Variants in ADRA1A observed in about 807,000 individuals in gnomAD.
ADRA1A encodes adrenoceptor alpha 1A, also known as alpha-1A adrenergic receptor.
A neutral mutation model predicts 29.6 loss-of-function variants in ADRA1A; 31 were observed. That is an observed-to-expected ratio of 1.05 (90% confidence interval 0.79 to 1.41). The LOEUF is 1.41. ADRA1A is among the 40% of genes most tolerant of loss of function. The pLI is 0.00. For synonymous variants in ADRA1A, 311 were observed against 254.3 expected (o/e 1.22, Z -2.12); for missense variants, 619 against 601.1 (o/e 1.03, Z -0.31).
intron 2 of ADRA1A, among the ~76,000 whole-genome samples, chr8:26,818,441 A>C (rs994866040): frequency 3.3e-5 from 5 of 152,216 alleles, no homozygotes; most frequent in Admixed American, 3.3e-4. Flanking sequence ...ATTTTTAAAA[A>C]ACTGCACTTG....
At chr8:26,779,893 G>A (rs1388611971) in intron 2 of ADRA1A, among the ~76,000 whole-genome samples, 1 of 152,152 alleles carries the variant, frequency 6.6e-6, no homozygotes, top group Non-Finnish European at 1.5e-5. Context: ...AGGCCTGGGA[G>A]GCTAAGGCTG....
chr8:26,794,784 C>G (rs1414320443), intron 2 of ADRA1A, among the ~76,000 whole-genome samples: 1 of 151,886 alleles, frequency 6.6e-6, no homozygotes, highest in African/African-American at 2.4e-5. Context: ...GAATTAAGAA[C>G]AAAAGTGTTT....
intron 2 of ADRA1A, among the ~76,000 whole-genome samples, chr8:26,824,413 C>T (rs867730307): frequency 3.9e-5 from 6 of 152,196 alleles, no homozygotes; most frequent in Middle Eastern, 3.4e-3. Context: ...CTTCAAACTT[C>T]GTTTTTTGCA....
intron 2 of ADRA1A, among the ~76,000 whole-genome samples, chr8:26,834,261 G>T (rs547778406): frequency 1.3e-5 from 2 of 152,112 alleles, no homozygotes; most frequent in Admixed American, 1.3e-4. Context: ...TTCTGGGATC[G>T]AAGTCTTTAG....
intron 2 of ADRA1A, among the ~76,000 whole-genome samples, chr8:26,794,833 A>G (rs4732883): frequency 0.24 from 37,115 of 151,834 alleles, 4,960 homozygotes; most frequent in East Asian, 0.51. Flanking sequence ...ATTATGAACA[A>G]GAAAGAGATG....
At chr8:26,817,714 G>C (rs1227525138) in intron 2 of ADRA1A, among the ~76,000 whole-genome samples, 2 of 152,190 alleles carry the variant, frequency 1.3e-5, no homozygotes, top group East Asian at 1.9e-4. Context: ...GGAGGTTGAG[G>C]CTGCAGTGAG....
Position 26,815,284 on chromosome 8 carries a change from C to A in ADRA1A, c.884-44618G>T, listed in dbSNP as rs145272217. Among the ~76,000 whole-genome samples the A allele has an allele frequency of 6.6e-6, 1 of 152,192 alleles. No individual in the cohort carries two copies. Among genetic ancestry groups the A allele is most frequent in the East Asian group, 1.9e-4 (1 of 5,178 alleles). On this transcript the variant is annotated intron_variant, in intron 2 of 2. Coordinates refer to ENST00000380573, the MANE Select transcript of ADRA1A (RefSeq NM_000680.4). The surrounding 1 kb of genome is among the most constrained non-coding windows in gnomAD (Gnocchi z 4.2). ...TCTAGAATACTGAAAACTATTTTGCCAGAGAACACCTAGACAGAGTGGAAA... is the reference window on the plus strand; with the variant it reads ...TCTAGAATACTGAAAACTATTTTGCAAGAGAACACCTAGACAGAGTGGAAA...
downstream of ADRA1A, among the ~76,000 whole-genome samples, chr8:26,753,977 G>A (rs1805036991): frequency 6.6e-6 from 1 of 152,138 alleles, no homozygotes; most frequent in African/African-American, 2.4e-5. Context: ...TTATCAGTGG[G>A]CATGATCCAT....
intron 2 of ADRA1A, among the ~76,000 whole-genome samples, chr8:26,817,419 A>G (rs11779546): frequency 0.14 from 22,035 of 152,262 alleles, 2,014 homozygotes; most frequent in South Asian, 0.26. Context: ...GATTGTTCAT[A>G]TATTGCTTAA....
intron 2 of ADRA1A, among the ~76,000 whole-genome samples, chr8:26,842,968 TCTATTGGCTTTTCAAATCCG>T (rs1400533625): frequency 1.3e-5 from 2 of 151,960 alleles, no homozygotes; most frequent in Non-Finnish European, 2.9e-5. Flanking sequence ...TCTTGGAGCT[TCTATTGGCTTTTCAAATCCG>T]CTATTGGCTT....
Position 26,860,683 on chromosome 8 carries a change from T to C in ADRA1A, c.883+3404A>G, listed in dbSNP as rs1345699749. Among the ~76,000 whole-genome samples, 1 of 152,132 alleles carries C rather than the reference T, an allele frequency of 6.6e-6. No homozygotes were observed. The highest frequency in any genetic ancestry group is 6.5e-5 in the Admixed American group (1 of 15,274). On this transcript the variant is annotated intron_variant, in intron 2 of 2. Coordinates refer to ENST00000380573, the MANE Select transcript of ADRA1A (RefSeq NM_000680.4). The surrounding 1 kb of genome is among the most constrained non-coding windows in gnomAD (Gnocchi z 4.7). ...ATATTTCACTGAGGACATAAACATA[T>C]CCTAAAGAGATCACTATCTCTCTCC...
chr8:26,833,818 C>G (rs13254589), intron 2 of ADRA1A, among the ~76,000 whole-genome samples: 2 of 152,126 alleles, frequency 1.3e-5, no homozygotes, highest in East Asian at 3.9e-4. Context: ...TTCAAAATAA[C>G]TTATTTCTGT....
In ADRA1A at chr8:26,864,892, G is replaced by A; in HGVS notation, c.78C>T (p.Ala26=). 1 of 1,614,030 alleles carries A rather than the reference G, an allele frequency of 6.2e-7. No homozygotes were observed. The highest frequency in any genetic ancestry group is 8.5e-7 in the Non-Finnish European group (1 of 1,180,020). The change falls in exon 2 of 3, where the codon GCC becomes GCT. Residue 26 remains alanine (A), a synonymous_variant. Transcript: ENST00000380573. The surrounding 1 kb of genome is among the most constrained non-coding windows in gnomAD (Gnocchi z 8.1). ...CCCCCAAGATCACCCCGAGCAGAAT[G>A]GCCTTGGAAATGTTCACCGGTGCCG... ...QPPAPVNISK[A]ILLGVILGGL...
At position 26,825,156 on chromosome 8, in the gene ADRA1A, A is replaced by C. The variant is rs111887841; in HGVS notation, c.883+38931T>G. Among the ~76,000 whole-genome samples the C allele has an allele frequency of 0.012, 1,894 of 152,084 alleles. 36 individuals carry two copies. The highest frequency in any genetic ancestry group is 0.044 in the African/African-American group (1,822 of 41,476). ...GAGACCCCCAGCCCCCACATGTCCC[A>C]CCCTGAGCTTGCTAGGCCTTCCAGG... On this transcript the variant is annotated intron_variant, in intron 2 of 2. Transcript: ENST00000380573. The surrounding 1 kb of genome is among the most constrained non-coding windows in gnomAD (Gnocchi z 5.7).
chr8:26,833,806 G>T (rs1234382463), intron 2 of ADRA1A, among the ~76,000 whole-genome samples: 3 of 152,190 alleles, frequency 2.0e-5, no homozygotes, highest in Non-Finnish European at 4.4e-5. Flanking sequence ...CTGGCATATG[G>T]CTTCAAAATA....
rs1054545186 is a variant in ADRA1A at position 26,845,409 on chromosome 8, G to T, written c.883+18678C>A. 3.3e-5 allele frequency among the ~76,000 whole-genome samples: 5 copies of T among 152,196 alleles called. No individual in the cohort carries two copies. The South Asian group carries it at 1.0e-3, about 31-fold the overall frequency. On this transcript the variant is annotated intron_variant, in intron 2 of 2. Coordinates refer to ENST00000380573, the MANE Select transcript of ADRA1A (RefSeq NM_000680.4). ...AGAGATACTATTTCACACCCACTAG[G>T]ATGGACATCATTTTAAAAAATGACA...
chr8:26,774,124 G>T (rs1224020089), intron 2 of ADRA1A, among the ~76,000 whole-genome samples: 2 of 152,188 alleles, frequency 1.3e-5, no homozygotes, highest in East Asian at 1.9e-4. Flanking sequence ...ACAATGTTTG[G>T]TTTATCCTAT....
At chr8:26,767,084 C>T (rs1396264223), downstream of ADRA1A, among the ~76,000 whole-genome samples, 1 of 152,074 alleles carries the variant, frequency 6.6e-6, no homozygotes, top group African/African-American at 2.4e-5. Context: ...GATTCAGGGT[C>T]TCTCATAATG....
At chr8:26,802,713 T>A (rs146518877) in intron 2 of ADRA1A, among the ~76,000 whole-genome samples, 101 of 152,266 alleles carry the variant, frequency 6.6e-4, no homozygotes, top group Non-Finnish European at 1.1e-3. Context: ...CCAGCGATCC[T>A]ACTGCTAGGT....
Sources: allele counts gnomAD v4.1 joint callset (sites outside exome capture counted in the v4.1 genomes callset), GRCh38; gene constraint gnomAD v4.1.1; non-coding constraint Gnocchi (gnomAD v3.1); transcripts MANE v1.5; gene names NCBI Gene and HGNC (gene_info 2026-07-23, HGNC 2026-07-21).